Variants in NARF observed in about 807,000 individuals in gnomAD.
The protein encoded by NARF is iron-only hydrogenase-like protein 2.
In NARF, 41 loss-of-function variants were observed where a neutral mutation model predicts 48.0. The observed-to-expected ratio is 0.85, with a 90% CI of 0.66 to 1.11. NARF has a LOEUF of 1.11. Ranked by LOEUF, NARF falls within the 50% of genes least tolerant of loss-of-function variation. The probability of loss-of-function intolerance (pLI) is 0.00; values close to 1 mark genes in which losing one functional copy is unlikely to be tolerated. For synonymous variants in NARF, 215 were observed against 225.5 expected (o/e 0.95, Z 0.42); for missense variants, 613 against 590.2 (o/e 1.04, Z -0.40).
chr17:82,460,093 T>C (rs2143811627), intron 2 of NARF, 21 bp downstream of exon 2: 1 of 1,604,478 alleles, frequency 6.2e-7, no homozygotes, highest in Non-Finnish European at 8.5e-7. Flanking sequence ...TTTTCAGTTT[T>C]GTATCAGCCC....
chr17:82,470,138 C>T (rs536142992), intron 4 of NARF, among the ~76,000 whole-genome samples: 4 of 152,268 alleles, frequency 2.6e-5, no homozygotes, highest in Admixed American at 2.0e-4. Flanking sequence ...GAATAAGGAT[C>T]ATCAGGACAG....
At position 82,488,256 on chromosome 17, in the gene NARF, A is replaced by C; in HGVS notation, c.*99A>C. ...GAGTGGAGTATTAAAGACACTTAAGAAAACCGCTCAATGGATTACTTTGGT... is the reference window on the plus strand; with the variant it reads ...GAGTGGAGTATTAAAGACACTTAAGCAAACCGCTCAATGGATTACTTTGGT... On this transcript the variant is annotated 3_prime_UTR_variant, in exon 11 of 11. Transcript: ENST00000309794. 3.4e-6 allele frequency: 5 copies of C among 1,491,628 alleles called. No individual in the cohort carries two copies. In the South Asian group the frequency reaches 6.8e-5, roughly 20 times the overall value. 92.4% of individuals were successfully genotyped at this position (1,491,628 alleles called of 1,614,324 possible).
chr17:82,484,946 C>T lies in NARF; in HGVS notation c.967C>T (p.Leu323=), dbSNP rs1218025102. 2 of 1,606,312 alleles carry T rather than the reference C, an allele frequency of 1.2e-6. No homozygotes were observed. The highest frequency in any genetic ancestry group is 1.7e-5 in the Admixed American group (1 of 59,052). ...TGTGGAGGAGGTCACTTACCGAGCC[C>T]TGAGGTGTGGGGCAGTATCCACAGC... ...EDVEEVTYRA[L]RNKDFQEVTL... The change falls in exon 9 of 11, where the codon CTG becomes TTG. Residue 323 remains leucine (L), a synonymous_variant. Coordinates refer to ENST00000309794, the MANE Select transcript of NARF (RefSeq NM_012336.4).
chr17:82,468,700 G>A (rs2043627855), intron 3 of NARF, 64 bp from the exon 4 acceptor site: 6 of 1,518,100 alleles, frequency 4.0e-6, no homozygotes, highest in Admixed American at 3.5e-5. Context: ...TTCTCATTAA[G>A]GTGTGTAACT....
chr17:82,485,737 G>A (rs2044082362), intron 10 of NARF, 83 bp downstream of exon 10: 3 of 1,518,090 alleles, frequency 2.0e-6, no homozygotes, highest in Non-Finnish European at 2.7e-6. Flanking sequence ...GAGAGATGGT[G>A]CTCTTGGCCA....
intron 4 of NARF, 23 bp downstream of exon 4, chr17:82,468,919 G>T: frequency 6.2e-7 from 1 of 1,612,052 alleles, no homozygotes; most frequent in East Asian, 2.2e-5. Context: ...TTGATAAATT[G>T]GGAATGTATA....
intron 8 of NARF, chr17:82,484,115 G>A (rs899243894): frequency 1.3e-5 from 3 of 233,936 alleles, no homozygotes; most frequent in Non-Finnish European, 1.7e-5. Flanking sequence ...CCTGAGTGCC[G>A]TCTGTGCCTC....
intron 4 of NARF, among the ~76,000 whole-genome samples, chr17:82,470,106 T>G (rs1202233142): frequency 6.6e-6 from 1 of 152,152 alleles, no homozygotes; most frequent in East Asian, 1.9e-4. Flanking sequence ...TGGGGATTAC[T>G]GGTGAAATAA....
Position 82,481,607 on chromosome 17 carries a change from G to A in NARF, c.769+396G>A, listed in dbSNP as rs1004240578. 4.6e-5 allele frequency among the ~76,000 whole-genome samples: 7 copies of A among 152,080 alleles called. No individual in the cohort carries two copies. The South Asian group carries it at 1.4e-3, about 31-fold the overall frequency. ...TAGCCGGGCATGGTGGCACATGCCT[G>A]TAATCCCAGCTGCTCGGGAGGCTGA... On this transcript the variant is annotated intron_variant, in intron 7 of 10. Transcript: ENST00000309794.
At chr17:82,480,641 T>C in intron 6 of NARF, 1 of 424,994 alleles carries the variant, frequency 2.4e-6, no homozygotes, top group Middle Eastern at 3.8e-4. Context: ...CCCAAGAAAG[T>C]GCTGCATGCA....
In NARF at chr17:82,484,812, G is replaced by C. The variant is rs1019013016; in HGVS notation, c.834-1G>C. 6.3e-7 allele frequency: 1 copy of C among 1,598,800 alleles called. No individual in the cohort carries two copies. The highest frequency in any genetic ancestry group is 8.5e-7 in the Non-Finnish European group (1 of 1,172,314). On this transcript the variant is annotated splice_acceptor_variant, in intron 8 of 10. Coordinates refer to ENST00000309794, the MANE Select transcript of NARF (RefSeq NM_012336.4). LOFTEE classifies it high-confidence loss of function. ...GACTTGTATTTTCTCTGCCTTGTGAGGTTTGGAGACTTGAAGGAGGACAAA... is the reference window on the plus strand; with the variant it reads ...GACTTGTATTTTCTCTGCCTTGTGACGTTTGGAGACTTGAAGGAGGACAAA...
chr17:82,462,347 G>A (rs1447890209), intron 2 of NARF, among the ~76,000 whole-genome samples: 3 of 152,198 alleles, frequency 2.0e-5, no homozygotes, highest in African/African-American at 4.8e-5. Flanking sequence ...CCAGGTCAAT[G>A]ACAGTGCAGA....
chr17:82,481,034 G>C, intron 6 of NARF, 48 bp from the exon 7 acceptor site: 1 of 1,611,626 alleles, frequency 6.2e-7, no homozygotes, highest in Non-Finnish European at 8.5e-7. Context: ...AGCGTAAGCT[G>C]CCGTCACCTC....
intron 1 of NARF, 126 bp downstream of exon 1, chr17:82,458,956 G>C: frequency 8.2e-7 from 1 of 1,223,778 alleles, no homozygotes; most frequent in East Asian, 3.2e-5. Context: ...CCCCGGCCTC[G>C]GCACCCTGGG....
At chr17:82,470,424 G>A (rs2043671637) in intron 4 of NARF, among the ~76,000 whole-genome samples, 2 of 152,166 alleles carry the variant, frequency 1.3e-5, no homozygotes, top group Admixed American at 1.3e-4. Context: ...GTAACGGAAT[G>A]TTATATATCA....
At chr17:82,472,538 G>C (rs1389904546) in intron 4 of NARF, 26 bp from the exon 5 acceptor site, 3 of 1,572,986 alleles carry the variant, frequency 1.9e-6, no homozygotes, top group Admixed American at 3.9e-5. Flanking sequence ...CGTGATTTAA[G>C]CTGAATATGC....
rs2043391554 is a variant in NARF, at chr17:82,459,918, T to G, written c.28-74T>G. 7 of 1,064,708 alleles carry G rather than the reference T, an allele frequency of 6.6e-6. No individual in the cohort carries two copies. In the East Asian group the frequency reaches 1.7e-4, roughly 26 times the overall value. The allele number at this position is 1,064,708 out of a possible 1,614,324, so 66.0% of individuals were successfully genotyped here. A position where few individuals can be genotyped will look rare whatever the true frequency, so the allele number is the denominator to read the frequency against. ...AAGGATAGAAATACATGAGCTTCAT[T>G]GGTCAGAATGTGCACATTTTCTTAA... On this transcript the variant is annotated intron_variant, in intron 1 of 10. Transcript: ENST00000309794.
intron 1 of NARF, 98 bp from the exon 2 acceptor site, chr17:82,459,894 A>T: frequency 2.2e-6 from 2 of 904,328 alleles, no homozygotes; most frequent in Non-Finnish European, 3.4e-6. Context: ...ACTAAAAGAA[A>T]GGATAGAAAT....
intron 6 of NARF, among the ~76,000 whole-genome samples, chr17:82,479,784 A>G (rs575949595): frequency 1.3e-5 from 2 of 152,314 alleles, no homozygotes; most frequent in South Asian, 2.1e-4. Context: ...TTTTCCTTCT[A>G]TCTAGTTTCT....
Sources: allele counts gnomAD v4.1 joint callset (sites outside exome capture counted in the v4.1 genomes callset), GRCh38; gene constraint gnomAD v4.1.1; transcripts MANE v1.5; gene names NCBI Gene and HGNC (gene_info 2026-07-23, HGNC 2026-07-21).